IQSEC1: variants seen among roughly 807,000 people sequenced by gnomAD.
IQSEC1 encodes the protein IQ motif and SEC7 domain-containing protein 1.
IQSEC1 carries 31 observed loss-of-function variants against 91.0 expected under a neutral mutation model. That is an observed-to-expected ratio of 0.34 (90% CI 0.26 to 0.46). The LOEUF (loss-of-function observed/expected upper bound fraction) is 0.46. Ranked by LOEUF, IQSEC1 falls within the 20% of genes least tolerant of loss-of-function variation. The probability of loss-of-function intolerance (pLI) is 1.00; values close to 1 mark genes in which losing one functional copy is unlikely to be tolerated. For synonymous variants in IQSEC1, 699 were observed against 662.6 expected (o/e 1.05, Z -0.84); for missense variants, 1,388 against 1,575.6 (o/e 0.88, Z 2.02).
chr3:13,232,573 G>A (rs1442736625), intron 1 of IQSEC1, among the ~76,000 whole-genome samples: 2 of 152,240 alleles, frequency 1.3e-5, no homozygotes, highest in African/African-American at 2.4e-5. Flanking sequence ...CCCGGCTGCA[G>A]GTCTGGGGAG....
At chr3:13,234,624 A>G (rs932462602) in intron 1 of IQSEC1, among the ~76,000 whole-genome samples, 3 of 152,136 alleles carry the variant, frequency 2.0e-5, no homozygotes, top group Non-Finnish European at 4.4e-5. Flanking sequence ...AGAAACCCAC[A>G]CAGGTTATGC....
intron 1 of IQSEC1, among the ~76,000 whole-genome samples, chr3:13,280,998 C>T (rs1317747313): frequency 6.6e-6 from 1 of 152,242 alleles, no homozygotes; most frequent in Non-Finnish European, 1.5e-5. Context: ...GGAAGGACGA[C>T]GTGCTCCCTC....
At chr3:13,047,499 C>T in intron 1 of IQSEC1, 1 of 985,364 alleles carries the variant, frequency 1.0e-6, no homozygotes, top group Non-Finnish European at 1.2e-6. Flanking sequence ...AGTGGAGAGG[C>T]TGCTTCCGGT....
intron 2 of IQSEC1, among the ~76,000 whole-genome samples, chr3:13,145,795 GC>G (rs1208725169): frequency 1.1e-5 from 1 of 94,420 alleles, no homozygotes; most frequent in Non-Finnish European, 2.2e-5. Context: ...GAACCTGGGC[GC>G]CCGGGGGCGG....
chr3:12,967,694 A>G lies in IQSEC1; in HGVS notation c.24-25829T>C. The G allele has an allele frequency of 8.7e-7, 1 of 1,144,816 alleles. No homozygotes were observed. Among genetic ancestry groups the G allele is most frequent in the Non-Finnish European group, 1.1e-6 (1 of 933,750 alleles). 70.9% of individuals were successfully genotyped at this position (1,144,816 alleles called of 1,614,324 possible). ...CCCTCCGCCGCCGCCCGCTTGGCGC[A>G]GCGCGAGGCCGGGCCGGAGGAATGT... On this transcript the variant is annotated intron_variant, in intron 1 of 13. Coordinates refer to ENST00000613206, the MANE Select transcript of IQSEC1 (RefSeq NM_001134382.3). This position sits in a 1 kb window ranked among gnomAD's most constrained non-coding sequence, Gnocchi z 5.9.
chr3:13,045,397 C>T (rs549550567), intron 1 of IQSEC1, among the ~76,000 whole-genome samples: 3 of 152,338 alleles, frequency 2.0e-5, no homozygotes, highest in East Asian at 3.9e-4. Context: ...ATCCTGAGTG[C>T]CCGACACCCG....
intron 1 of IQSEC1, among the ~76,000 whole-genome samples, chr3:13,004,979 C>T (rs147710951): frequency 1.7e-4 from 26 of 152,324 alleles, no homozygotes; most frequent in African/African-American, 5.8e-4. Context: ...TATGTGCAGC[C>T]AACACTGCTG....
chr3:12,949,319 T>C (rs1699386389), intron 1 of IQSEC1, among the ~76,000 whole-genome samples: 1 of 152,118 alleles, frequency 6.6e-6, no homozygotes, highest in Non-Finnish European at 1.5e-5. Context: ...GGCCAGAGGG[T>C]GGCCACATCA....
intron 1 of IQSEC1, among the ~76,000 whole-genome samples, chr3:13,168,219 C>T (rs533220275): frequency 1.3e-5 from 2 of 152,284 alleles, no homozygotes; most frequent in South Asian, 4.2e-4. Context: ...GTGACTGATC[C>T]AAATTCAAGT....
At chr3:12,907,582 C>T (rs1034368600) in intron 12 of IQSEC1, among the ~76,000 whole-genome samples, 6 of 152,218 alleles carry the variant, frequency 3.9e-5, no homozygotes, top group Non-Finnish European at 8.8e-5. Context: ...CGGCACGAGC[C>T]GGCACCCACC....
exon 1 of IQSEC1, among the ~76,000 whole-genome samples, chr3:13,283,200 C>T (rs1451450897): frequency 2.7e-5 from 4 of 147,096 alleles, no homozygotes; most frequent in African/African-American, 4.9e-5. Flanking sequence ...GCGGACGCGC[C>T]GGGGCGGCAG....
intron 1 of IQSEC1, among the ~76,000 whole-genome samples, chr3:13,016,376 C>T (rs9868822): frequency 0.13 from 19,434 of 152,274 alleles, 1,484 homozygotes; most frequent in African/African-American, 0.22. Context: ...ACATCTCAAC[C>T]GGCCTTCCCT....
chr3:13,086,647 C>A (rs1174536188), intron 2 of IQSEC1, among the ~76,000 whole-genome samples: 2 of 152,220 alleles, frequency 1.3e-5, no homozygotes, highest in Non-Finnish European at 2.9e-5. Flanking sequence ...CACCTGCCTG[C>A]TCCCTTCCAT....
At chr3:13,163,193 C>A (rs543228172) in intron 2 of IQSEC1, among the ~76,000 whole-genome samples, 1 of 152,304 alleles carries the variant, frequency 6.6e-6, no homozygotes, top group South Asian at 2.1e-4. Context: ...CCCTGGGATG[C>A]AGCCTCCCCC....
Position 13,214,568 on chromosome 3 carries a change from G to GCCA in IQSEC1, c.273-50436_273-50435insTGG, listed in dbSNP as rs1466184931. Among the ~76,000 whole-genome samples the GCCA allele has an allele frequency of 2.6e-5, 4 of 152,258 alleles. No homozygotes were observed. The highest frequency in any genetic ancestry group is 9.6e-5 in the African/African-American group (4 of 41,482). ...AGCCTGGGGCCTCTCACTGCCAGGTGGACGAACCAGGGCAGGAATCCTAGC... is the reference window on the plus strand; with the variant it reads ...AGCCTGGGGCCTCTCACTGCCAGGTGCCAGACGAACCAGGGCAGGAATCCTAGC... On this transcript the variant is annotated intron_variant, in intron 1 of 15. Coordinates refer to the IQSEC1 transcript ENST00000648114. The surrounding 1 kb of genome is among the most constrained non-coding windows in gnomAD (Gnocchi z 4.5).
chr3:13,176,521 G>A (rs554512972), intron 1 of IQSEC1, among the ~76,000 whole-genome samples: 4 of 152,216 alleles, frequency 2.6e-5, no homozygotes, highest in South Asian at 2.1e-4. Flanking sequence ...TAAAGCAGTC[G>A]GGAACACATT....
chr3:13,265,287 C>G (rs773326744), intron 1 of IQSEC1, among the ~76,000 whole-genome samples: 1 of 148,068 alleles, frequency 6.8e-6, no homozygotes, highest in Non-Finnish European at 1.5e-5. Context: ...GCCCAGCCCT[C>G]GGCAGAGCCT....
chr3:13,066,485 G>T (rs1446055275), intron 1 of IQSEC1, among the ~76,000 whole-genome samples: 8 of 152,244 alleles, frequency 5.3e-5, no homozygotes, highest in Admixed American at 2.0e-4. Flanking sequence ...AGAGGCACAG[G>T]CTGGGCTGTG....
chr3:13,232,342 C>G (rs1216588957), intron 1 of IQSEC1, among the ~76,000 whole-genome samples: 2 of 152,254 alleles, frequency 1.3e-5, no homozygotes, highest in Non-Finnish European at 2.9e-5. Context: ...GCCCTCTTCT[C>G]TGGAGGAAGG....
Sources: gnomAD v4.1 joint callset for allele counts (sites outside exome capture counted in the v4.1 genomes callset) on GRCh38, gnomAD v4.1.1 for gene constraint, Gnocchi (gnomAD v3.1) non-coding constraint, MANE v1.5 for transcripts, NCBI Gene and HGNC (gene_info 2026-07-23, HGNC 2026-07-21) for gene names.